The following KCTD8 variants were observed in gnomAD, a reference collection of about 807,000 sequenced individuals.
KCTD8 encodes BTB/POZ domain-containing protein KCTD8.
KCTD8 carries 27 observed loss-of-function variants against 31.5 expected under a neutral mutation model. The observed-to-expected ratio is 0.86, with a 90% CI of 0.63 to 1.18. The LOEUF is 1.18. Ranked by LOEUF, KCTD8 falls within the 50% of genes most tolerant of loss-of-function variation. The probability of loss-of-function intolerance (pLI) is 0.00; values close to 1 mark genes in which losing one functional copy is unlikely to be tolerated. For missense variants in KCTD8, 658 were observed against 647.7 expected (o/e 1.02, Z -0.17); for synonymous variants, 290 against 280.0 (o/e 1.04, Z -0.36).
At chr4:44,434,182 C>T (rs1022508820) in intron 1 of KCTD8, among the ~76,000 whole-genome samples, 1 of 151,804 alleles carries the variant, frequency 6.6e-6, no homozygotes, top group Admixed American at 6.6e-5. Flanking sequence ...CAATAATTTG[C>T]AATGTCACCT....
chr4:44,253,889 G>A (rs1174433434), intron 1 of KCTD8, among the ~76,000 whole-genome samples: 1 of 151,932 alleles, frequency 6.6e-6, no homozygotes, highest in African/African-American at 2.4e-5. Context: ...GGGTGCTGCT[G>A]TAACCAAACC....
At chr4:44,303,345 G>A (rs1438534263) in intron 1 of KCTD8, among the ~76,000 whole-genome samples, 5 of 151,816 alleles carry the variant, frequency 3.3e-5, no homozygotes, top group Admixed American at 3.3e-4. Flanking sequence ...AATCCATCTG[G>A]TCCTGGACTC....
At position 44,261,735 on chromosome 4, in the gene KCTD8, G is replaced by A. The variant is rs1716189013; in HGVS notation, c.962-86485C>T. Among the ~76,000 whole-genome samples the A allele has an allele frequency of 3.9e-5, 6 of 151,932 alleles. No homozygotes were observed. In the South Asian group the frequency reaches 1.2e-3, roughly 32 times the overall value. On this transcript the variant is annotated intron_variant, in intron 1 of 1. Coordinates refer to ENST00000360029, the MANE Select transcript of KCTD8 (RefSeq NM_198353.3). Reference sequence around the variant, plus strand: ...TTTTACTTAACATAATATCCTCCAGGTTCAATCCTATCACAAATGGCAGGA... The same window carrying A: ...TTTTACTTAACATAATATCCTCCAGATTCAATCCTATCACAAATGGCAGGA...
chr4:44,372,312 GA>G (rs1280505250), intron 1 of KCTD8, among the ~76,000 whole-genome samples: 2 of 152,078 alleles, frequency 1.3e-5, no homozygotes, highest in Non-Finnish European at 2.9e-5. Context: ...CCTTACACTC[GA>G]GGGGCTTACA....
In KCTD8 at chr4:44,174,841, T is replaced by C; in HGVS notation, c.1371A>G (p.Pro457=). ...CAGATTGCCATTGGCGTTTGCGCTC[T>C]GGAAAATAATCTGGAATGTGGATTT... ...FKKIHIPDYF[P]ERKRQWQSEL... Residue 457 remains proline (P), a synonymous_variant, in exon 2 of 2, where the codon CCA becomes CCG. Coordinates refer to ENST00000360029, the MANE Select transcript of KCTD8 (RefSeq NM_198353.3). 1.2e-6 allele frequency: 2 copies of C among 1,613,692 alleles called. No individual in the cohort carries two copies. Among genetic ancestry groups the C allele is most frequent in the Non-Finnish European group, 1.7e-6 (2 of 1,179,856 alleles).
At chr4:44,420,155 AC>A (rs1267712351) in intron 1 of KCTD8, among the ~76,000 whole-genome samples, 2 of 152,086 alleles carry the variant, frequency 1.3e-5, no homozygotes, top group Non-Finnish European at 2.9e-5. Flanking sequence ...GAAAAAAAAA[AC>A]AACTCATGGG....
chr4:44,397,345 C>T lies in KCTD8; in HGVS notation c.961+50218G>A, dbSNP rs535108669. Among the ~76,000 whole-genome samples, 10 of 152,032 alleles carry T rather than the reference C, an allele frequency of 6.6e-5. No individual in the cohort carries two copies. The East Asian group carries it at 9.7e-4, about 15-fold the overall frequency. On this transcript the variant is annotated intron_variant, in intron 1 of 1. Coordinates refer to ENST00000360029, the MANE Select transcript of KCTD8 (RefSeq NM_198353.3). ...AGCCCATTTCTCTAATACTCATATA[C>T]GTATACATTATGTTTATATGTATAT...
intron 1 of KCTD8, among the ~76,000 whole-genome samples, chr4:44,224,366 ACTC>A (rs1577839292): frequency 6.6e-6 from 1 of 150,628 alleles, no homozygotes; most frequent in East Asian, 2.0e-4. Flanking sequence ...CATGCAGAAA[ACTC>A]CTTTTTGTGT....
chr4:44,306,095 G>A (rs1048090728), intron 1 of KCTD8, among the ~76,000 whole-genome samples: 6 of 151,802 alleles, frequency 4.0e-5, no homozygotes, highest in South Asian at 2.1e-4. Flanking sequence ...AAATTAATCC[G>A]CTAAGTATTC....
rs75149019 is a variant in KCTD8 at position 44,384,807 on chromosome 4, A to G, written c.961+62756T>C. ...GAGGATTATGAAAGTTCTCAACACA[A>G]AAAGGGATAAATGTTTGAGATGATG... On this transcript the variant is annotated intron_variant, in intron 1 of 1. Transcript: ENST00000360029. 3.3e-4 allele frequency among the ~76,000 whole-genome samples: 50 copies of G among 151,944 alleles called. No homozygotes were observed. In the East Asian group the frequency reaches 9.1e-3, roughly 28 times the overall value.
intron 1 of KCTD8, among the ~76,000 whole-genome samples, chr4:44,252,489 G>C (rs539955544): frequency 1.3e-5 from 2 of 151,710 alleles, no homozygotes; most frequent in African/African-American, 4.8e-5. Context: ...CAATGTAGAA[G>C]TGTTCCCTTT....
At chr4:44,369,800 A>C in intron 1 of KCTD8, among the ~76,000 whole-genome samples, 1 of 149,344 alleles carries the variant, frequency 6.7e-6, no homozygotes, top group Non-Finnish European at 1.5e-5. Context: ...ATTCTGCCTC[A>C]AAAATATAAA....
chr4:44,332,061 C>T (rs1718603268), intron 1 of KCTD8, among the ~76,000 whole-genome samples: 1 of 151,680 alleles, frequency 6.6e-6, no homozygotes, highest in African/African-American at 2.4e-5. Flanking sequence ...AAATTTCATT[C>T]CTTTACCAGA....
intron 1 of KCTD8, among the ~76,000 whole-genome samples, chr4:44,238,153 A>C (rs1349532853): frequency 6.6e-6 from 1 of 152,084 alleles, no homozygotes; most frequent in Non-Finnish European, 1.5e-5. Flanking sequence ...CTCCTGCCAC[A>C]GGACCTTTGT....
At chr4:44,435,516 G>A (rs16856933) in intron 1 of KCTD8, among the ~76,000 whole-genome samples, 17,949 of 151,758 alleles carry the variant, frequency 0.12, 2,337 homozygotes, top group African/African-American at 0.3. Flanking sequence ...CCTACTTCTT[G>A]TACTTTTCCG....
chr4:44,424,527 T>A (rs1407666815), intron 1 of KCTD8, among the ~76,000 whole-genome samples: 1 of 152,080 alleles, frequency 6.6e-6, no homozygotes, highest in Non-Finnish European at 1.5e-5. Flanking sequence ...GGGAAGTATC[T>A]ACTGAAAGCA....
chr4:44,280,353 G>A (rs550428163), intron 1 of KCTD8, among the ~76,000 whole-genome samples: 37 of 152,016 alleles, frequency 2.4e-4, no homozygotes, highest in Non-Finnish European at 5.0e-4. Flanking sequence ...TTTTCAATCA[G>A]CAGATTCAAG....
chr4:44,176,860 CATCTATCTATCTATCTATCT>C (rs58202328), intron 1 of KCTD8, among the ~76,000 whole-genome samples: 1 of 148,360 alleles, frequency 6.7e-6, no homozygotes, highest in Non-Finnish European at 1.5e-5. Flanking sequence ...TATATGTCTA[CATCTATCTATCTATCTATCT>C]ATCTATCTAT....
intron 1 of KCTD8, among the ~76,000 whole-genome samples, chr4:44,370,048 T>C (rs1196468819): frequency 6.6e-6 from 1 of 152,182 alleles, no homozygotes; most frequent in African/African-American, 2.4e-5. Flanking sequence ...TCTTCTGACA[T>C]TGCAATTCTG....
Sources: gnomAD v4.1 joint callset for allele counts (sites outside exome capture counted in the v4.1 genomes callset) on GRCh38, gnomAD v4.1.1 for gene constraint, MANE v1.5 for transcripts, NCBI Gene and HGNC (gene_info 2026-07-23, HGNC 2026-07-21) for gene names.